UBE2G2: variants seen among roughly 807,000 people sequenced by gnomAD.
UBE2G2 encodes ubiquitin-conjugating enzyme E2 G2.
A neutral mutation model predicts 23.0 loss-of-function variants in UBE2G2; 10 were observed. The ratio of observed to expected loss-of-function variants is 0.43; its 90% CI spans 0.27 to 0.74. UBE2G2 has a LOEUF of 0.74. Among genes scored for constraint, UBE2G2 ranks in the 30% least tolerant of loss-of-function variants. The probability of loss-of-function intolerance (pLI) is 0.19; values close to 1 mark genes in which losing one functional copy is unlikely to be tolerated. For synonymous variants in UBE2G2, 86 were observed against 81.3 expected, an observed-to-expected ratio of 1.06 and a Z score of -0.31; for missense variants, 150 against 218.3, an observed-to-expected ratio of 0.69 and a Z score of 1.97.
chr21:44,800,596 C>G (rs1197702481), intron 1 of UBE2G2: 10 of 152,130 alleles, frequency 6.6e-5, no homozygotes, highest in African/African-American at 2.4e-4. Context: ...GCAGCGGGGC[C>G]TGGAACCAAT....
In UBE2G2 at chr21:44,771,872, G is replaced by A. The variant is rs2082877530; in HGVS notation, c.386-383C>T. On this transcript the variant is annotated intron_variant, in intron 5 of 5. Coordinates refer to ENST00000345496, the MANE Select transcript of UBE2G2 (RefSeq NM_003343.6). The surrounding 1 kb of genome is among the most constrained non-coding windows in gnomAD (Gnocchi z 4.6). ...CTGCTGCTTATTTCACCTTTCTCAA[G>A]ACACTCTGCAGTGTGGCTTCTCTCT... is the stretch of plus-strand genomic sequence containing the variant. 6.6e-6 allele frequency among the ~76,000 whole-genome samples: 1 copy of A among 152,188 alleles called. No homozygotes were observed. The highest frequency in any genetic ancestry group is 2.4e-5 in the African/African-American group (1 of 41,440).
Position 44,787,778 on chromosome 21 carries a change from G to A in UBE2G2, c.125+142C>T. The A allele has an allele frequency of 8.1e-6, 7 of 860,578 alleles. No individual in the cohort carries two copies. In the South Asian group the frequency reaches 1.3e-4, roughly 16 times the overall value. The allele number at this position is 860,578 out of a possible 1,614,324, so 53.3% of individuals were successfully genotyped here. Reference sequence around the variant, plus strand: ...CAGGTTCTCTGCTTTCAGACCAGCAGCCTAGACGAGAGCTGGGCATTACTG... The same window carrying A: ...CAGGTTCTCTGCTTTCAGACCAGCAACCTAGACGAGAGCTGGGCATTACTG... On this transcript the variant is annotated intron_variant, in intron 3 of 5. Coordinates refer to ENST00000345496, the MANE Select transcript of UBE2G2 (RefSeq NM_003343.6).
At chr21:44,797,474 T>C (rs1033139839) in intron 1 of UBE2G2, among the ~76,000 whole-genome samples, 2 of 152,040 alleles carry the variant, frequency 1.3e-5, no homozygotes, top group East Asian at 3.9e-4. Flanking sequence ...CCCAGCACTT[T>C]GGGAGGCCGA....
chr21:44,777,180 G>A (rs1160513617), intron 4 of UBE2G2, 119 bp downstream of exon 4: 2 of 859,702 alleles, frequency 2.3e-6, no homozygotes, highest in East Asian at 5.1e-5. Context: ...CAAAACATAA[G>A]AAGTGTTTTC....
rs781802608 is a variant in UBE2G2 at position 44,771,502 on chromosome 21, G to C, written c.386-13C>G. 2.5e-5 allele frequency: 40 copies of C among 1,608,660 alleles called. No homozygotes were observed. The highest frequency in any genetic ancestry group is 3.3e-5 in the Non-Finnish European group (39 of 1,179,720). On this transcript the variant is annotated splice_polypyrimidine_tract_variant and intron_variant, in intron 5 of 5. Coordinates refer to ENST00000345496, the MANE Select transcript of UBE2G2 (RefSeq NM_003343.6). This position sits in a 1 kb window ranked among gnomAD's most constrained non-coding sequence, Gnocchi z 4.6. ...TCGTCATTGGGCTCTGAAAGAAAAG[G>C]GAACACCCTCCATGTAAAAGGGAGT...
intron 1 of UBE2G2, among the ~76,000 whole-genome samples, chr21:44,798,173 ATAAT>A (rs1179901895): frequency 2.6e-5 from 4 of 152,232 alleles, no homozygotes; most frequent in Non-Finnish European, 4.4e-5. Flanking sequence ...AAATAAATAA[ATAAT>A]TATTATTTGC....
chr21:44,792,381 G>A (rs1480419333), intron 1 of UBE2G2, among the ~76,000 whole-genome samples: 2 of 151,888 alleles, frequency 1.3e-5, no homozygotes, highest in Admixed American at 6.6e-5. Context: ...AGTGTTGAGC[G>A]AGGAACCTGG....
chr21:44,772,789 T>C lies in UBE2G2; in HGVS notation c.385+758A>G, dbSNP rs1192891073. On this transcript the variant is annotated intron_variant, in intron 5 of 5. Coordinates refer to ENST00000345496, the MANE Select transcript of UBE2G2 (RefSeq NM_003343.6). The surrounding 1 kb of genome is among the most constrained non-coding windows in gnomAD (Gnocchi z 5.4). The stretch of plus-strand genomic sequence containing the variant: ...TAGCCCTGGGACCACTCAGCCCTTC[T>C]CTTTTCTCTCCAGGCTACTGCAACA... Among the ~76,000 whole-genome samples the C allele has an allele frequency of 3.3e-5, 5 of 152,156 alleles. No homozygotes were observed. Among genetic ancestry groups the C allele is most frequent in the African/African-American group, 4.8e-5 (2 of 41,422 alleles).
At position 44,769,212 on chromosome 21, in the gene UBE2G2, A is replaced by C. The variant is rs976341157; in HGVS notation, c.*2165T>G. ...CCCGATCTCACAGAAGCCTCCAGGC[A>C]ATTGTGTGCCCCTCCAGGGCCTGCA... On this transcript the variant is annotated 3_prime_UTR_variant, in exon 6 of 6. Coordinates refer to ENST00000345496, the MANE Select transcript of UBE2G2 (RefSeq NM_003343.6). 6.6e-6 allele frequency: 1 copy of C among 152,184 alleles called. No individual in the cohort carries two copies. Among genetic ancestry groups the C allele is most frequent in the Non-Finnish European group, 1.5e-5 (1 of 68,022 alleles). 9.4% of individuals were successfully genotyped at this position (152,184 alleles called of 1,614,324 possible).
At chr21:44,797,588 G>T (rs1466090815) in intron 1 of UBE2G2, among the ~76,000 whole-genome samples, 2 of 151,894 alleles carry the variant, frequency 1.3e-5, no homozygotes, top group Non-Finnish European at 2.9e-5. Flanking sequence ...GGTGGCGCGC[G>T]CCTGTAGTCC....
At chr21:44,800,924 G>C (rs200940456) in intron 1 of UBE2G2, 1 of 119,684 alleles carries the variant, frequency 8.4e-6, no homozygotes, top group Admixed American at 1.1e-4. Context: ...TGCAGAGACA[G>C]AGAGAGGAAC....
chr21:44,793,412 A>G (rs1217561922), intron 1 of UBE2G2, among the ~76,000 whole-genome samples: 1 of 152,236 alleles, frequency 6.6e-6, no homozygotes, highest in Non-Finnish European at 1.5e-5. Flanking sequence ...CTGCAGCTCC[A>G]GACCTGCTCC....
Position 44,771,315 on chromosome 21 carries a change from G to C in UBE2G2, c.*62C>G. 6.8e-7 allele frequency: 1 copy of C among 1,476,512 alleles called. No homozygotes were observed. Among genetic ancestry groups the C allele is most frequent in the South Asian group, 1.1e-5 (1 of 88,212 alleles). 91.5% of individuals were successfully genotyped at this position (1,476,512 alleles called of 1,614,324 possible). A position where few individuals can be genotyped will look rare whatever the true frequency, so the allele number is the denominator to read the frequency against. On this transcript the variant is annotated 3_prime_UTR_variant, in exon 6 of 6. Coordinates refer to ENST00000345496, the MANE Select transcript of UBE2G2 (RefSeq NM_003343.6). This position sits in a 1 kb window ranked among gnomAD's most constrained non-coding sequence, Gnocchi z 4.6. ...CAGCACAGAGCATCACTGTCACTAA[G>C]TGTGCCGGGGGAGAATGCTGAGCTG...
intron 1 of UBE2G2, among the ~76,000 whole-genome samples, chr21:44,788,988 G>T (rs2083022048): frequency 6.6e-6 from 1 of 152,068 alleles, no homozygotes; most frequent in South Asian, 2.1e-4. Context: ...ATTAGTAAAA[G>T]TGAGTTTGGC....
chr21:44,776,564 T>C (rs1262797025), intron 4 of UBE2G2, among the ~76,000 whole-genome samples: 7 of 152,338 alleles, frequency 4.6e-5, no homozygotes, highest in Admixed American at 3.9e-4. Flanking sequence ...ATAGTTTGGG[T>C]GTGTCCCCAC....
intron 1 of UBE2G2, chr21:44,800,126 C>T (rs1230299825): frequency 6.6e-6 from 1 of 152,160 alleles, no homozygotes; most frequent in Non-Finnish European, 1.5e-5. Flanking sequence ...AAGAGAGAGA[C>T]ACGAAGCGAG....
At chr21:44,801,260 T>G in intron 1 of UBE2G2, 1 of 985,234 alleles carries the variant, frequency 1.0e-6, no homozygotes, top group Non-Finnish European at 1.2e-6. Flanking sequence ...TTTTCCTTCA[T>G]TAGAGGGAAA....
Position 44,769,353 on chromosome 21 carries a change from A to G in UBE2G2, c.*2024T>C, listed in dbSNP as rs1453576955. 6.6e-6 allele frequency: 1 copy of G among 151,496 alleles called. No homozygotes were observed. Among genetic ancestry groups the G allele is most frequent in the Admixed American group, 6.6e-5 (1 of 15,220 alleles). The allele number at this position is 151,496 out of a possible 1,614,324, so 9.4% of individuals were successfully genotyped here. On this transcript the variant is annotated 3_prime_UTR_variant, in exon 6 of 6. Coordinates refer to ENST00000345496, the MANE Select transcript of UBE2G2 (RefSeq NM_003343.6). ...CGCTCCTTTCCCCCATCTCCTTCCA[A>G]ATACGAGTTCTTGCCCTGCGTTCCA...
chr21:44,785,701 T>G (rs888542999), intron 3 of UBE2G2: 5 of 152,216 alleles, frequency 3.3e-5, no homozygotes, highest in Non-Finnish European at 7.3e-5. Flanking sequence ...TCTGCCAAAA[T>G]AGCAGGGTGA....
Sources: gnomAD v4.1 joint callset for allele counts (sites outside exome capture counted in the v4.1 genomes callset) on GRCh38, gnomAD v4.1.1 for gene constraint, Gnocchi (gnomAD v3.1) non-coding constraint, MANE v1.5 for transcripts, NCBI Gene and HGNC (gene_info 2026-07-23, HGNC 2026-07-21) for gene names.